Variants in GRM5 observed in about 807,000 individuals in gnomAD.
The protein encoded by GRM5 is metabotropic glutamate receptor 5.
GRM5 carries 19 observed loss-of-function variants against 83.1 expected under a neutral mutation model. The ratio of observed to expected loss-of-function variants is 0.23; its 90% CI spans 0.16 to 0.34. GRM5 has a LOEUF of 0.34. Ranked by LOEUF, GRM5 falls within the 10% of genes least tolerant of loss-of-function variation. The probability of loss-of-function intolerance (pLI) is 1.00; values close to 1 mark genes in which losing one functional copy is unlikely to be tolerated. For missense variants in GRM5, 1,160 were observed against 1,588.3 expected (o/e 0.73, Z 4.58); for synonymous variants, 675 against 633.6 (o/e 1.07, Z -0.98).
intron 3 of GRM5, among the ~76,000 whole-genome samples, chr11:88,709,486 C>A (rs1591456404): frequency 1.3e-5 from 2 of 152,178 alleles, no homozygotes; most frequent in East Asian, 3.9e-4. Flanking sequence ...AAGTAGGCAA[C>A]TACACTGAGG....
intron 2 of GRM5, among the ~76,000 whole-genome samples, chr11:88,893,028 A>G (rs1255795536): frequency 2.0e-5 from 3 of 151,952 alleles, no homozygotes; most frequent in Admixed American, 2.0e-4. Flanking sequence ...TCCCTCTACT[A>G]TTCACAGTAG....
intron 9 of GRM5, 71 bp downstream of exon 9, chr11:88,525,237 AG>A (rs1941838999): frequency 1.2e-6 from 1 of 863,074 alleles, no homozygotes; most frequent in Non-Finnish European, 2.0e-6. Context: ...GACCCAGACC[AG>A]GGAGCCACAT....
chr11:88,760,433 C>T (rs901609298), intron 3 of GRM5, among the ~76,000 whole-genome samples: 5 of 152,080 alleles, frequency 3.3e-5, no homozygotes, highest in African/African-American at 4.8e-5. Context: ...GTGAATGCCT[C>T]TATGCACACA....
chr11:88,952,164 G>A (rs1024269787), intron 2 of GRM5, among the ~76,000 whole-genome samples: 14 of 151,950 alleles, frequency 9.2e-5, no homozygotes, highest in Non-Finnish European at 1.6e-4. Flanking sequence ...AATGCACAAT[G>A]TTCTCTGCGT....
chr11:88,859,924 A>C (rs1339473743), intron 2 of GRM5, among the ~76,000 whole-genome samples: 1 of 152,174 alleles, frequency 6.6e-6, no homozygotes, highest in Non-Finnish European at 1.5e-5. Context: ...GAGCCTTTCT[A>C]CAAAATACAC....
intron 3 of GRM5, among the ~76,000 whole-genome samples, chr11:88,772,769 G>A: frequency 6.6e-6 from 1 of 152,116 alleles, no homozygotes; most frequent in East Asian, 1.9e-4. Flanking sequence ...TCCCTACAAA[G>A]GACATGAACT....
intron 4 of GRM5, among the ~76,000 whole-genome samples, chr11:88,615,236 G>C (rs530271920): frequency 6.6e-6 from 1 of 152,054 alleles, no homozygotes; most frequent in African/African-American, 2.4e-5. Context: ...AGAGACCCAA[G>C]TGATTGCAAA....
chr11:88,985,391 C>T (rs536954418), intron 2 of GRM5, among the ~76,000 whole-genome samples: 3 of 152,104 alleles, frequency 2.0e-5, no homozygotes, highest in Admixed American at 1.3e-4. Flanking sequence ...AAGAGTCAAG[C>T]TATTAGAGAA....
At chr11:88,938,293 A>C (rs1937968743) in intron 2 of GRM5, among the ~76,000 whole-genome samples, 1 of 151,744 alleles carries the variant, frequency 6.6e-6, no homozygotes, top group African/African-American at 2.4e-5. Context: ...TAGGAAGAGA[A>C]GAAAGTATTT....
At chr11:88,746,682 G>C (rs1410357279) in intron 3 of GRM5, among the ~76,000 whole-genome samples, 2 of 152,036 alleles carry the variant, frequency 1.3e-5, no homozygotes, top group Non-Finnish European at 2.9e-5. Context: ...TAAATTATCT[G>C]AGTTTCTGAC....
At chr11:88,693,556 T>A (rs185328834) in intron 3 of GRM5, among the ~76,000 whole-genome samples, 215 of 152,252 alleles carry the variant, frequency 1.4e-3, no homozygotes, top group Non-Finnish European at 2.2e-3. Flanking sequence ...TAATGTCAAA[T>A]GGGTTTGCTG....
chr11:88,560,404 T>A (rs536639407), intron 8 of GRM5, among the ~76,000 whole-genome samples: 40 of 152,276 alleles, frequency 2.6e-4, no homozygotes, highest in African/African-American at 9.6e-4. Context: ...AATCCTGCCT[T>A]TCCTGGGAGA....
intron 3 of GRM5, among the ~76,000 whole-genome samples, chr11:88,844,949 C>T (rs996466249): frequency 6.6e-6 from 1 of 152,042 alleles, no homozygotes; most frequent in African/African-American, 2.4e-5. Flanking sequence ...TTTCTTGAGG[C>T]GGAATATACT....
intron 3 of GRM5, among the ~76,000 whole-genome samples, chr11:88,720,758 T>C (rs760097535): frequency 6.6e-6 from 1 of 151,782 alleles, no homozygotes; most frequent in South Asian, 2.1e-4. Flanking sequence ...GCCATTTATA[T>C]GGACAGACTC....
intron 2 of GRM5, among the ~76,000 whole-genome samples, chr11:88,874,899 T>C (rs564582964): frequency 7.9e-5 from 12 of 152,048 alleles, no homozygotes; most frequent in African/African-American, 2.6e-4. Context: ...TACTTTAATT[T>C]TAAAATATGC....
intron 3 of GRM5, among the ~76,000 whole-genome samples, chr11:88,703,739 G>A (rs2135376013): frequency 6.6e-6 from 1 of 152,168 alleles, no homozygotes; most frequent in South Asian, 2.1e-4. Flanking sequence ...TGTGAAGTGG[G>A]AAGGATCAAA....
intron 4 of GRM5, among the ~76,000 whole-genome samples, chr11:88,635,119 T>A (rs1042500092): frequency 6.6e-6 from 1 of 152,256 alleles, no homozygotes; most frequent in African/African-American, 2.4e-5. Flanking sequence ...TTGCAGCTAA[T>A]GCTGTGATGA....
chr11:88,675,619 G>A (rs914912534), intron 3 of GRM5, among the ~76,000 whole-genome samples: 1 of 151,954 alleles, frequency 6.6e-6, no homozygotes, highest in African/African-American at 2.4e-5. Flanking sequence ...ATTCAGAGGA[G>A]TTGAACTGTA....
intron 1 of GRM5, among the ~76,000 whole-genome samples, chr11:89,057,448 CA>C (rs1050229552): frequency 2.6e-5 from 4 of 151,618 alleles, no homozygotes; most frequent in Non-Finnish European, 5.9e-5. Flanking sequence ...ACCCCCTCAA[CA>C]AAAAAAGGGC....
Sources: allele counts gnomAD v4.1 joint callset (sites outside exome capture counted in the v4.1 genomes callset), GRCh38; gene constraint gnomAD v4.1.1; transcripts MANE v1.5; gene names NCBI Gene and HGNC (gene_info 2026-07-23, HGNC 2026-07-21).